The following MYCBP2 variants were observed in gnomAD, a reference collection of about 807,000 sequenced individuals.
MYCBP2 encodes the protein MYC binding protein 2, also known as E3 ubiquitin-protein ligase MYCBP2.
In MYCBP2, 120 loss-of-function variants were observed where a neutral mutation model predicts 525.3. That is an observed-to-expected ratio of 0.23 (90% CI 0.20 to 0.27). MYCBP2 has a LOEUF of 0.27. Among genes scored for constraint, MYCBP2 ranks in the 10% least tolerant of loss-of-function variants. The probability of loss-of-function intolerance (pLI) is 1.00; values close to 1 mark genes in which losing one functional copy is unlikely to be tolerated. For synonymous variants in MYCBP2, 1,894 were observed against 1,955.8 expected (o/e 0.97, Z 0.83); for missense variants, 4,149 against 5,657.1 (o/e 0.73, Z 8.55).
intron 26 of MYCBP2, among the ~76,000 whole-genome samples, chr13:77,203,413 A>G (rs1369670000): frequency 6.6e-6 from 1 of 152,198 alleles, no homozygotes; most frequent in Non-Finnish European, 1.5e-5. Context: ...AACAAATGGA[A>G]GAACATCCCA....
intron 1 of MYCBP2, among the ~76,000 whole-genome samples, chr13:77,297,916 T>C (rs2078366705): frequency 6.6e-6 from 1 of 152,182 alleles, no homozygotes; most frequent in Non-Finnish European, 1.5e-5. Context: ...TGCAAAAGCT[T>C]AACTCATTTC....
intron 1 of MYCBP2, among the ~76,000 whole-genome samples, chr13:77,316,420 G>C (rs1356436964): frequency 1.3e-5 from 2 of 152,156 alleles, no homozygotes; most frequent in South Asian, 4.2e-4. Context: ...GCCCATATTG[G>C]AACTAGGGAA....
chr13:77,317,284 A>C (rs1594881222), intron 1 of MYCBP2, among the ~76,000 whole-genome samples: 2 of 152,176 alleles, frequency 1.3e-5, no homozygotes, highest in Admixed American at 6.5e-5. Flanking sequence ...AGGAGCCCCA[A>C]ATCCTAGTGG....
At chr13:77,224,428 T>C (rs749117195) in intron 20 of MYCBP2, 23 bp downstream of exon 20, 2 of 1,502,112 alleles carry the variant, frequency 1.3e-6, no homozygotes, top group Admixed American at 1.8e-5. Flanking sequence ...CTCTGGATCT[T>C]CAAATGAAAA....
At chr13:77,061,406 ACT>A in intron 75 of MYCBP2, 105 bp from the exon 76 acceptor site, 1 of 1,043,970 alleles carries the variant, frequency 9.6e-7, no homozygotes, top group Non-Finnish European at 1.3e-6. Context: ...TCATTTAAGC[ACT>A]CTAAGAAGTT....
intron 55 of MYCBP2, among the ~76,000 whole-genome samples, chr13:77,119,747 C>T (rs992039946): frequency 2.6e-5 from 4 of 152,082 alleles, no homozygotes; most frequent in Non-Finnish European, 5.9e-5. Flanking sequence ...CAGGATCCTG[C>T]TCTGTTGCCC....
intron 1 of MYCBP2, among the ~76,000 whole-genome samples, chr13:77,318,055 C>A (rs2081181413): frequency 6.6e-6 from 1 of 152,078 alleles, no homozygotes; most frequent in Non-Finnish European, 1.5e-5. Context: ...GATCAAACAT[C>A]CTGCAAGCCC....
chr13:77,272,406 A>G (rs1382708871), intron 5 of MYCBP2: 2 of 152,244 alleles, frequency 1.3e-5, no homozygotes, highest in Admixed American at 1.3e-4. Flanking sequence ...GTCTCTATAT[A>G]AAAGCAAATC....
chr13:77,084,460 T>C (rs2043864815), intron 62 of MYCBP2, among the ~76,000 whole-genome samples: 1 of 152,224 alleles, frequency 6.6e-6, no homozygotes, highest in African/African-American at 2.4e-5. Context: ...GTTTATATTG[T>C]CTTCTAAAGA....
chr13:77,058,158 A>G lies in MYCBP2; in HGVS notation c.13329+60T>C. The G allele has an allele frequency of 6.4e-7, 1 of 1,556,756 alleles. No homozygotes were observed. On this transcript the variant is annotated intron_variant, in intron 78 of 82. Transcript: ENST00000544440. The surrounding 1 kb of genome is among the most constrained non-coding windows in gnomAD (Gnocchi z 4.1). ...CCCGGCCTCAATCAATGTTTATTTG[A>G]CAAATATATTCCCCATCTTAATGTC...
intron 41 of MYCBP2, among the ~76,000 whole-genome samples, chr13:77,165,939 G>T (rs537936147): frequency 6.6e-6 from 1 of 152,160 alleles, no homozygotes; most frequent in Admixed American, 6.5e-5. Flanking sequence ...AGTGGTTTAC[G>T]AATTCTCTTA....
At chr13:77,293,349 A>C (rs1210998510) in intron 2 of MYCBP2, among the ~76,000 whole-genome samples, 1 of 152,132 alleles carries the variant, frequency 6.6e-6, no homozygotes. Flanking sequence ...ATGATCATGA[A>C]TGTGTATCAT....
intron 35 of MYCBP2, among the ~76,000 whole-genome samples, chr13:77,177,185 G>C (rs780590756): frequency 3.3e-5 from 5 of 150,842 alleles, no homozygotes; most frequent in Non-Finnish European, 5.9e-5. Flanking sequence ...TTGTCATCAG[G>C]GACTTAGCTA....
chr13:77,202,200 A>ATC, intron 26 of MYCBP2, among the ~76,000 whole-genome samples: 1 of 152,258 alleles, frequency 6.6e-6, no homozygotes, highest in East Asian at 1.9e-4. Context: ...AAAAAATGAT[A>ATC]AAGGGGATAT....
intron 1 of MYCBP2, among the ~76,000 whole-genome samples, chr13:77,313,569 AG>A (rs1460329798): frequency 6.6e-6 from 1 of 152,092 alleles, no homozygotes; most frequent in Non-Finnish European, 1.5e-5. Context: ...ATAACTTTTT[AG>A]CTACAACACC....
At chr13:77,206,276 A>T (rs1005679338) in intron 24 of MYCBP2, among the ~76,000 whole-genome samples, 15 of 151,166 alleles carry the variant, frequency 9.9e-5, no homozygotes, top group South Asian at 2.1e-4. Flanking sequence ...ATAAGAAGAA[A>T]CAGAAGATGT....
At position 77,062,709 on chromosome 13, in the gene MYCBP2, G is replaced by A. The variant is rs956509453; in HGVS notation, c.12673-12C>T. On this transcript the variant is annotated splice_polypyrimidine_tract_variant and intron_variant, in intron 73 of 82. Transcript: ENST00000544440. The stretch of plus-strand genomic sequence containing the variant: ...AGAGCAAGCCAGAGCTGTTGAAAGG[G>A]AAGGCTGTTACACCACTGAATTTTT... 6.2e-7 allele frequency: 1 copy of A among 1,609,682 alleles called. No homozygotes were observed. The highest frequency in any genetic ancestry group is 8.5e-7 in the Non-Finnish European group (1 of 1,176,130).
intron 15 of MYCBP2, among the ~76,000 whole-genome samples, chr13:77,245,879 C>A (rs1051773562): frequency 6.6e-6 from 1 of 151,798 alleles, no homozygotes; most frequent in Non-Finnish European, 1.5e-5. Context: ...TATATACACA[C>A]ACACAAACAC....
chr13:77,183,676 C>A (rs1016266541), intron 32 of MYCBP2, among the ~76,000 whole-genome samples: 1 of 150,618 alleles, frequency 6.6e-6, no homozygotes, highest in African/African-American at 2.4e-5. Flanking sequence ...CTCAGCCTCC[C>A]GAGTAGCTGA....
Sources: allele counts gnomAD v4.1 joint callset (sites outside exome capture counted in the v4.1 genomes callset), GRCh38; gene constraint gnomAD v4.1.1; non-coding constraint Gnocchi (gnomAD v3.1); transcripts MANE v1.5; gene names NCBI Gene and HGNC (gene_info 2026-07-23, HGNC 2026-07-21).